SYNE1: variants seen among roughly 807,000 people sequenced by gnomAD.
SYNE1 encodes the protein nesprin-1.
A neutral mutation model predicts 1,111.0 loss-of-function variants in SYNE1; 616 were observed. The ratio of observed to expected loss-of-function variants is 0.55; its 90% confidence interval spans 0.52 to 0.59. The LOEUF (loss-of-function observed/expected upper bound fraction) is 0.59. SYNE1 is among the 20% of genes least tolerant of loss of function. SYNE1 has a pLI of 0.00. For missense variants in SYNE1, 10,006 were observed against 10,417.0 expected (o/e 0.96, Z 1.72); for synonymous variants, 3,855 against 3,825.8 (o/e 1.01, Z -0.28).
At chr6:152,568,525 A>G (rs1595537881) in intron 3 of SYNE1, among the ~76,000 whole-genome samples, 1 of 151,832 alleles carries the variant, frequency 6.6e-6, no homozygotes, top group East Asian at 1.9e-4. Flanking sequence ...GTGGTCTTGC[A>G]CTCCTGACCT....
At chr6:152,593,565 G>A (rs1478189874) in intron 3 of SYNE1, among the ~76,000 whole-genome samples, 1 of 151,898 alleles carries the variant, frequency 6.6e-6, no homozygotes, top group Non-Finnish European at 1.5e-5. Context: ...CTGGGTGACA[G>A]AGTGAGACTC....
At chr6:152,225,587 G>T in intron 116 of SYNE1, 134 bp downstream of exon 116, 2 of 1,043,870 alleles carry the variant, frequency 1.9e-6, no homozygotes, top group Non-Finnish European at 2.9e-6. Context: ...GGATAACGAA[G>T]TGGACTTAAA....
chr6:152,208,757 C>T (rs532081966), intron 124 of SYNE1, among the ~76,000 whole-genome samples: 4 of 152,328 alleles, frequency 2.6e-5, no homozygotes, highest in South Asian at 2.1e-4. Flanking sequence ...ACAGCCCCAA[C>T]CTTTAGCAAA....
At chr6:152,337,039 A>C (rs886038706) in intron 75 of SYNE1, 22 bp from the exon 76 acceptor site, 1 of 1,610,104 alleles carries the variant, frequency 6.2e-7, no homozygotes, top group Admixed American at 1.7e-5. Flanking sequence ...ACAGAGATAA[A>C]AGTTAGCAAC....
At position 152,367,203 on chromosome 6, in the gene SYNE1, T is replaced by C; in HGVS notation, c.9972+15A>G. 1 of 1,614,198 alleles carries C rather than the reference T, an allele frequency of 6.2e-7. No individual in the cohort carries two copies. Among genetic ancestry groups the C allele is most frequent in the Non-Finnish European group, 8.5e-7 (1 of 1,180,012 alleles). On this transcript the variant is annotated intron_variant, in intron 62 of 145. Transcript: ENST00000367255. ...ATTCTGTAGGTTGGAGATATTTCTG[T>C]GTAAAGATGCACACCTCGAGCTTGA...
chr6:152,599,852 A>G (rs2099591930), intron 3 of SYNE1, among the ~76,000 whole-genome samples: 1 of 152,216 alleles, frequency 6.6e-6, no homozygotes, highest in South Asian at 2.1e-4. Context: ...AAACACTCTA[A>G]CAAGGTGCTA....
chr6:152,376,752 A>T, intron 57 of SYNE1, 24 bp downstream of exon 57: 1 of 1,613,182 alleles, frequency 6.2e-7, no homozygotes, highest in Non-Finnish European at 8.5e-7. Flanking sequence ...AAATATCTTG[A>T]ACACCAATAA....
chr6:152,137,830 C>T (rs1402663313), intron 140 of SYNE1, among the ~76,000 whole-genome samples: 2 of 152,192 alleles, frequency 1.3e-5, no homozygotes, highest in African/African-American at 4.8e-5. Flanking sequence ...GTGGAAAATA[C>T]TTGATTATTC....
chr6:152,134,857 C>T (rs1185906602), intron 142 of SYNE1: 2 of 494,774 alleles, frequency 4.0e-6, no homozygotes, highest in Non-Finnish European at 7.2e-6. Context: ...CTTGAGAACA[C>T]TAAGATTTTT....
chr6:152,344,361 C>T, intron 73 of SYNE1, 134 bp from the exon 74 acceptor site: 1 of 1,383,140 alleles, frequency 7.2e-7, no homozygotes, highest in East Asian at 2.3e-5. Context: ...CATCTAATAT[C>T]TAAGGCAGTT....
At chr6:152,475,424 C>T (rs1458401874) in intron 14 of SYNE1, among the ~76,000 whole-genome samples, 1 of 152,054 alleles carries the variant, frequency 6.6e-6, no homozygotes, top group Non-Finnish European at 1.5e-5. Context: ...TAACATAAAG[C>T]CAAATTTTAT....
At chr6:152,634,644 A>G (rs533947274) in intron 2 of SYNE1, among the ~76,000 whole-genome samples, 2 of 152,366 alleles carry the variant, frequency 1.3e-5, no homozygotes, top group East Asian at 3.9e-4. Context: ...GAGTAACAAT[A>G]AGAAATGATC....
chr6:152,218,242 T>A lies in SYNE1; in HGVS notation c.22191+15A>T, dbSNP rs1246181643. The A allele has an allele frequency of 2.5e-6, 4 of 1,613,816 alleles. No individual in the cohort carries two copies. The highest frequency in any genetic ancestry group is 1.6e-4 in the Middle Eastern group (1 of 6,082). On this transcript the variant is annotated intron_variant, in intron 121 of 145. Transcript: ENST00000367255. Reference sequence around the variant, plus strand: ...GATGGTAAAAGATCTGGGACTCAGATTTGAACACACTTACCTTAAGTTCTT... The same window carrying A: ...GATGGTAAAAGATCTGGGACTCAGAATTGAACACACTTACCTTAAGTTCTT...
chr6:152,136,196 C>T (rs1351095300), intron 141 of SYNE1, among the ~76,000 whole-genome samples: 2 of 152,172 alleles, frequency 1.3e-5, no homozygotes, highest in Non-Finnish European at 2.9e-5. Context: ...AATGTTTTAG[C>T]ACCACGTCTG....
rs116305627 is a variant in SYNE1 at position 152,571,020 on chromosome 6, T to C, written c.68-30999A>G. ...AAAGCAAGAAGGGAAGGGACTTTGC[T>C]CAGAAATCAAGCTGCTTATTTAATT... On this transcript the variant is annotated intron_variant, in intron 3 of 145. Coordinates refer to ENST00000367255, the MANE Select transcript of SYNE1 (RefSeq NM_182961.4). 2.8e-3 allele frequency among the ~76,000 whole-genome samples: 420 copies of C among 152,320 alleles called. 2 individuals carry two copies. The highest frequency in any genetic ancestry group is 9.2e-3 in the African/African-American group (383 of 41,574).
At chr6:152,285,459 T>A (rs2094277811) in intron 95 of SYNE1, among the ~76,000 whole-genome samples, 1 of 152,188 alleles carries the variant, frequency 6.6e-6, no homozygotes, top group African/African-American at 2.4e-5. Context: ...CTCCCCTGCT[T>A]TGAAATATGT....
At chr6:152,259,503 C>A (rs1274160169) in intron 101 of SYNE1, among the ~76,000 whole-genome samples, 1 of 152,080 alleles carries the variant, frequency 6.6e-6, no homozygotes, top group Non-Finnish European at 1.5e-5. Context: ...GTAAGTATTT[C>A]TAGGATACAA....
At chr6:152,606,973 G>GTTTTTTTTTT (rs2099616874) in intron 3 of SYNE1, among the ~76,000 whole-genome samples, 1 of 126,344 alleles carries the variant, frequency 7.9e-6, no homozygotes, top group African/African-American at 3.2e-5. Context: ...GCATGCCTCG[G>GTTTTTTTTTT]TTCTCTTTTT....
chr6:152,259,250 T>C (rs2091532839), intron 101 of SYNE1, among the ~76,000 whole-genome samples: 1 of 152,210 alleles, frequency 6.6e-6, no homozygotes, highest in Non-Finnish European at 1.5e-5. Context: ...GAATTCCTGC[T>C]TATGGATCCT....
Sources: allele counts gnomAD v4.1 joint callset (sites outside exome capture counted in the v4.1 genomes callset), GRCh38; gene constraint gnomAD v4.1.1; transcripts MANE v1.5; gene names NCBI Gene and HGNC (gene_info 2026-07-23, HGNC 2026-07-21).